ZNF385D: variants seen among roughly 807,000 people sequenced by gnomAD.
ZNF385D encodes zinc finger protein 659.
A neutral mutation model predicts 35.8 loss-of-function variants in ZNF385D; 15 were observed. The observed-to-expected ratio is 0.42, with a 90% CI of 0.28 to 0.64. ZNF385D has a LOEUF of 0.64. Among genes scored for constraint, ZNF385D ranks in the 30% least tolerant of loss-of-function variants. The pLI, the probability that ZNF385D is intolerant of heterozygous loss-of-function variation, is 0.23. For missense variants in ZNF385D, 474 were observed against 494.6 expected, an observed-to-expected ratio of 0.96 and a Z score of 0.39; for synonymous variants, 212 against 186.8, an observed-to-expected ratio of 1.13 and a Z score of -1.10.
chr3:21,930,841 T>C (rs767114230), intron 3 of ZNF385D, among the ~76,000 whole-genome samples: 1 of 152,192 alleles, frequency 6.6e-6, no homozygotes, highest in Middle Eastern at 3.4e-3. Flanking sequence ...AAGACCAACA[T>C]GTAACAGATG....
intron 2 of ZNF385D, among the ~76,000 whole-genome samples, chr3:22,319,816 G>A (rs1334550023): frequency 6.6e-6 from 1 of 152,126 alleles, no homozygotes; most frequent in African/African-American, 2.4e-5. Context: ...TGGGCTGAAA[G>A]GGGTTGACTT....
rs1575390338 is a variant in ZNF385D at position 21,646,704 on chromosome 3, T to C, written c.165+18182A>G. On this transcript the variant is annotated intron_variant, in intron 2 of 7. Transcript: ENST00000281523. The surrounding 1 kb of genome is among the most constrained non-coding windows in gnomAD (Gnocchi z 4.3). ...CAGGCCTGCCTTCACTTCTCAACCA[T>C]CAGAGGCCTGTACAGACCCTTCCAG... 2.0e-5 allele frequency among the ~76,000 whole-genome samples: 3 copies of C among 152,194 alleles called. No individual in the cohort carries two copies. Among genetic ancestry groups the C allele is most frequent in the Admixed American group, 6.5e-5 (1 of 15,276 alleles).
At chr3:21,693,468 A>G (rs1446985347) in intron 1 of ZNF385D, among the ~76,000 whole-genome samples, 3 of 152,170 alleles carry the variant, frequency 2.0e-5, no homozygotes, top group Non-Finnish European at 2.9e-5. Flanking sequence ...GCTCTGCTTT[A>G]TAAGGAAACT....
intron 2 of ZNF385D, among the ~76,000 whole-genome samples, chr3:22,213,953 C>T (rs2125266458): frequency 6.6e-6 from 1 of 152,090 alleles, no homozygotes; most frequent in South Asian, 2.1e-4. Flanking sequence ...GTCAGAATTT[C>T]CAATTAGTAA....
At chr3:21,615,426 T>C (rs1372156586) in intron 2 of ZNF385D, among the ~76,000 whole-genome samples, 2 of 152,194 alleles carry the variant, frequency 1.3e-5, no homozygotes, top group East Asian at 3.8e-4. Context: ...AGGTATTTGT[T>C]AATAAATAGT....
At chr3:22,143,585 G>A (rs1002587909) in intron 3 of ZNF385D, among the ~76,000 whole-genome samples, 1 of 151,730 alleles carries the variant, frequency 6.6e-6, no homozygotes, top group Non-Finnish European at 1.5e-5. Flanking sequence ...GAGATAACAC[G>A]ATATATATTT....
At chr3:21,973,292 T>C (rs1703383051) in intron 3 of ZNF385D, among the ~76,000 whole-genome samples, 1 of 152,084 alleles carries the variant, frequency 6.6e-6, no homozygotes, top group South Asian at 2.1e-4. Flanking sequence ...TGATATCTTA[T>C]ATCAGTAGAA....
intron 2 of ZNF385D, among the ~76,000 whole-genome samples, chr3:21,622,300 A>C (rs2065029923): frequency 6.6e-6 from 1 of 152,142 alleles, no homozygotes; most frequent in African/African-American, 2.4e-5. Context: ...GCCTTGACAC[A>C]AACAGTTAAC....
chr3:22,015,548 A>G (rs1303712567), intron 3 of ZNF385D, among the ~76,000 whole-genome samples: 2 of 151,964 alleles, frequency 1.3e-5, no homozygotes, highest in African/African-American at 4.8e-5. Flanking sequence ...ATTTCTGTCC[A>G]TTCATCTAGT....
intron 2 of ZNF385D, among the ~76,000 whole-genome samples, chr3:21,602,688 G>A (rs1036546735): frequency 1.1e-4 from 16 of 147,894 alleles, no homozygotes; most frequent in East Asian, 4.0e-4. Context: ...GCCCGCCACC[G>A]CGCCCGGCTA....
At chr3:21,468,671 A>T (rs1463250151) in intron 4 of ZNF385D, among the ~76,000 whole-genome samples, 5 of 152,108 alleles carry the variant, frequency 3.3e-5, no homozygotes, top group Non-Finnish European at 5.9e-5. Context: ...CACGCCTGTA[A>T]TCCCAGCACT....
intron 3 of ZNF385D, among the ~76,000 whole-genome samples, chr3:21,824,981 G>A (rs1038954753): frequency 6.6e-6 from 1 of 152,088 alleles, no homozygotes; most frequent in African/African-American, 2.4e-5. Flanking sequence ...TGCTTTTTAG[G>A]AAATTAATAT....
chr3:22,362,514 A>G (rs902347223), intron 2 of ZNF385D, among the ~76,000 whole-genome samples: 1 of 152,136 alleles, frequency 6.6e-6, no homozygotes, highest in African/African-American at 2.4e-5. Context: ...TCAATTAACC[A>G]GTAATTGAGA....
At chr3:21,594,942 T>G (rs182600582) in intron 2 of ZNF385D, among the ~76,000 whole-genome samples, 1 of 152,276 alleles carries the variant, frequency 6.6e-6, no homozygotes, top group African/African-American at 2.4e-5. Flanking sequence ...AAGTACAAAA[T>G]TAAACTGCGC....
At chr3:21,615,926 T>C (rs1432235433) in intron 2 of ZNF385D, among the ~76,000 whole-genome samples, 1 of 152,032 alleles carries the variant, frequency 6.6e-6, no homozygotes, top group African/African-American at 2.4e-5. Flanking sequence ...GTGGTTTTAT[T>C]TACCTAGGAT....
chr3:21,496,385 A>G (rs1372854795), intron 4 of ZNF385D, among the ~76,000 whole-genome samples: 1 of 146,080 alleles, frequency 6.8e-6, no homozygotes, highest in African/African-American at 2.5e-5. Flanking sequence ...TATATTTGAT[A>G]TATATATCAT....
intron 1 of ZNF385D, among the ~76,000 whole-genome samples, chr3:21,676,947 T>C (rs890753196): frequency 1.3e-5 from 2 of 152,078 alleles, no homozygotes; most frequent in South Asian, 2.1e-4. Flanking sequence ...GCAGCAGATA[T>C]AGGATTTACA....
intron 1 of ZNF385D, among the ~76,000 whole-genome samples, chr3:21,686,190 A>G (rs73138851): frequency 2.4e-4 from 37 of 152,324 alleles, no homozygotes; most frequent in African/African-American, 8.4e-4. Flanking sequence ...ATATTTTAGG[A>G]AAGTGTACAA....
At chr3:22,306,275 T>C (rs1703210415) in intron 2 of ZNF385D, among the ~76,000 whole-genome samples, 1 of 152,074 alleles carries the variant, frequency 6.6e-6, no homozygotes, top group African/African-American at 2.4e-5. Context: ...AAGTGAAGCT[T>C]CTCAGACTCT....
Sources: gnomAD v4.1 joint callset for allele counts (sites outside exome capture counted in the v4.1 genomes callset) on GRCh38, gnomAD v4.1.1 for gene constraint, Gnocchi (gnomAD v3.1) non-coding constraint, MANE v1.5 for transcripts, NCBI Gene and HGNC (gene_info 2026-07-23, HGNC 2026-07-21) for gene names.